Variants in GLB1L2 observed in about 807,000 individuals in gnomAD.
The protein encoded by GLB1L2 is galactosidase beta 1 like 2.
In GLB1L2, 68 loss-of-function variants were observed where a neutral mutation model predicts 84.1. The ratio of observed to expected loss-of-function variants is 0.81; its 90% CI spans 0.67 to 0.99. The LOEUF (loss-of-function observed/expected upper bound fraction) is 0.99, where lower values mean the gene tolerates loss of function less well. Among genes scored for constraint, GLB1L2 ranks in the 50% least tolerant of loss-of-function variants. GLB1L2 has a pLI of 0.00. For missense variants in GLB1L2, 762 were observed against 805.6 expected (o/e 0.95, Z 0.66); for synonymous variants, 290 against 318.0 (o/e 0.91, Z 0.94).
chr11:134,333,029 C>T (rs1482419618), intron 1 of GLB1L2, among the ~76,000 whole-genome samples: 2 of 152,164 alleles, frequency 1.3e-5, no homozygotes, highest in Non-Finnish European at 2.9e-5. Context: ...TTGTCATTTG[C>T]TTCTTTTTTA....
intron 8 of GLB1L2, among the ~76,000 whole-genome samples, chr11:134,366,142 CAGCTCTGGTACCCTCA>C (rs984880963): frequency 3.4e-4 from 52 of 152,234 alleles, no homozygotes; most frequent in African/African-American, 9.9e-4. Flanking sequence ...CCCACCTCCG[CAGCTCTGGTACCCTCA>C]AGCCAACAAC....
In GLB1L2 at chr11:134,345,262, T is replaced by C. The variant is rs1943538347; in HGVS notation, c.449+133T>C. On this transcript the variant is annotated intron_variant, in intron 4 of 18. Transcript: ENST00000535456. ...GTTCCCATTCTGTACTGAATTTCCT[T>C]TTCAGGAAAAGCAGCACCCAGAGGG... The C allele has an allele frequency of 7.0e-6, 8 of 1,141,856 alleles. No individual in the cohort carries two copies. The East Asian group carries it at 2.0e-4, about 28-fold the overall frequency. The allele number at this position is 1,141,856 out of a possible 1,614,324, so 70.7% of individuals were successfully genotyped here.
chr11:134,357,360 CCT>C (rs1943718648), intron 6 of GLB1L2, among the ~76,000 whole-genome samples: 1 of 152,232 alleles, frequency 6.6e-6, no homozygotes, highest in Admixed American at 6.5e-5. Context: ...TGCAGAAAGC[CCT>C]CTTAGGAGGA....
chr11:134,361,882 G>A (rs1234196571), intron 7 of GLB1L2, among the ~76,000 whole-genome samples: 3 of 152,126 alleles, frequency 2.0e-5, no homozygotes, highest in African/African-American at 7.2e-5. Context: ...GGGGACTCCG[G>A]CTCCCGAGCG....
rs1365877994 is a variant in GLB1L2 at position 134,375,540 on chromosome 11, T to A, written c.*482T>A. The A allele has an allele frequency of 6.5e-6, 1 of 153,556 alleles. No homozygotes were observed. Among genetic ancestry groups the A allele is most frequent in the African/African-American group, 2.4e-5 (1 of 41,508 alleles). 9.5% of individuals were successfully genotyped at this position (153,556 alleles called of 1,614,324 possible). A position where few individuals can be genotyped will look rare whatever the true frequency, so the allele number is the denominator to read the frequency against. On this transcript the variant is annotated 3_prime_UTR_variant, in exon 19 of 19. Transcript: ENST00000535456. ...GAGGGTGGGGAAGGGGTGTCTCACCTGAGCTGACTTTGTTCTTCCTTCACA... is the reference window on the plus strand; with the variant it reads ...GAGGGTGGGGAAGGGGTGTCTCACCAGAGCTGACTTTGTTCTTCCTTCACA...
At position 134,347,351 on chromosome 11, in the gene GLB1L2, G is replaced by T. The variant is rs769818123; in HGVS notation, c.476G>T (p.Arg159Met). The T allele has an allele frequency of 2.5e-6, 4 of 1,614,122 alleles. No individual in the cohort carries two copies. Among genetic ancestry groups the T allele is most frequent in the Non-Finnish European group, 3.4e-6 (4 of 1,179,972 alleles). Reference protein sequence around the residue: ...PSWLLQDPGMRLRTTYKGFTE... With the variant: ...PSWLLQDPGMMLRTTYKGFTE... ...TGGCTACTCCAAGACCCTGGCATGA[G>T]GCTGAGGACAACTTACAAGGGCTTC... The change falls in exon 5 of 19, where the codon AGG (arginine) becomes ATG (methionine). Residue 159 changes from arginine (R) to methionine (M), a missense_variant. Coordinates refer to ENST00000535456, the MANE Select transcript of GLB1L2 (RefSeq NM_001370461.1).
At chr11:134,340,795 T>C (rs1487661949) in intron 1 of GLB1L2, among the ~76,000 whole-genome samples, 1 of 152,266 alleles carries the variant, frequency 6.6e-6, no homozygotes, top group Non-Finnish European at 1.5e-5. Flanking sequence ...CAATGATTTA[T>C]GAACACTGAA....
chr11:134,332,255 C>A, intron 1 of GLB1L2, 108 bp downstream of exon 1: 1 of 732,018 alleles, frequency 1.4e-6, no homozygotes, highest in Non-Finnish European at 2.2e-6. Context: ...CCGGGGGGAG[C>A]AGCCCCAGCT....
chr11:134,371,241 G>A, intron 13 of GLB1L2, 93 bp downstream of exon 13: 2 of 1,495,268 alleles, frequency 1.3e-6, no homozygotes, highest in Non-Finnish European at 9.3e-7. Context: ...GCTCTTACCA[G>A]TGTGTGACAA....
At chr11:134,371,554 C>A in intron 14 of GLB1L2, 62 bp downstream of exon 14, 2 of 1,129,910 alleles carry the variant, frequency 1.8e-6, no homozygotes, top group Non-Finnish European at 2.7e-6. Context: ...AGTCTGGGGG[C>A]AGTCACTGAG....
intron 7 of GLB1L2, 118 bp from the exon 8 acceptor site, chr11:134,364,210 C>T (rs1591621949): frequency 5.3e-6 from 4 of 757,710 alleles, no homozygotes; most frequent in Admixed American, 2.4e-5. Context: ...AGGTGGGAAA[C>T]GGTGTCAGGG....
intron 5 of GLB1L2, among the ~76,000 whole-genome samples, chr11:134,350,870 A>G (rs1943619574): frequency 6.6e-6 from 1 of 152,236 alleles, no homozygotes; most frequent in South Asian, 2.1e-4. Flanking sequence ...GCATTTTTGC[A>G]CATTGATTTT....
At chr11:134,374,847 G>A (rs975107620) in intron 18 of GLB1L2, 125 bp from the exon 19 acceptor site, 23 of 1,163,352 alleles carry the variant, frequency 2.0e-5, no homozygotes, top group Middle Eastern at 2.6e-4. Flanking sequence ...CAGACGAGTT[G>A]TTGGTCCCTG....
intron 5 of GLB1L2, among the ~76,000 whole-genome samples, chr11:134,350,592 G>A (rs562044807): frequency 1.3e-5 from 2 of 152,316 alleles, no homozygotes; most frequent in African/African-American, 2.4e-5. Flanking sequence ...GTACTGTGAC[G>A]GGTCACTTGA....
chr11:134,369,333 C>T (rs1026868041), intron 10 of GLB1L2, among the ~76,000 whole-genome samples: 2 of 152,236 alleles, frequency 1.3e-5, no homozygotes, highest in Non-Finnish European at 2.9e-5. Context: ...GCTGGGACTA[C>T]AGGTGTGCAC....
chr11:134,345,809 G>A (rs1943546234), intron 4 of GLB1L2, among the ~76,000 whole-genome samples: 1 of 152,118 alleles, frequency 6.6e-6, no homozygotes, highest in African/African-American at 2.4e-5. Context: ...AGCATATTTT[G>A]AAAAGTCCAA....
In GLB1L2 at chr11:134,356,384, C is replaced by T. The variant is rs3802928; in HGVS notation, c.642C>T (p.Tyr214=). Residue 214 remains tyrosine, a synonymous_variant, in exon 6 of 19, where the codon TAC becomes TAT. Transcript: ENST00000535456. The stretch of plus-strand genomic sequence containing the variant: ...ATAAAGACCCCGCATACATGCCCTA[C>T]GTCAAGAAGGTAAGAATCCTCTTAG... ...SYNKDPAYMP[Y]VKKALEDRGI... 101,542 of 1,610,098 alleles carry T rather than the reference C, an allele frequency of 0.063. 4,502 individuals carry two copies. Among genetic ancestry groups the T allele is most frequent in the East Asian group, 0.2 (8,761 of 44,844 alleles).
intron 4 of GLB1L2, chr11:134,346,598 A>G (rs1210892693): frequency 6.6e-6 from 1 of 152,396 alleles, no homozygotes; most frequent in East Asian, 1.9e-4. Flanking sequence ...ACCCACAGAA[A>G]TGGGATAATT....
intron 18 of GLB1L2, 118 bp downstream of exon 18, chr11:134,374,836 G>T (rs553629973): frequency 1.1e-5 from 13 of 1,156,070 alleles, no homozygotes; most frequent in Admixed American, 7.1e-5. Context: ...CCTCCTCGCT[G>T]CAGACGAGTT....
Sources: allele counts gnomAD v4.1 joint callset (sites outside exome capture counted in the v4.1 genomes callset), GRCh38; gene constraint gnomAD v4.1.1; transcripts MANE v1.5; gene names NCBI Gene and HGNC (gene_info 2026-07-23, HGNC 2026-07-21).